MARCHF7: variants seen among roughly 807,000 people sequenced by gnomAD.
The protein encoded by MARCHF7 is E3 ubiquitin-protein ligase MARCHF7.
Under a neutral mutation model 76.5 loss-of-function variants are expected in MARCHF7, and 20 were observed. That is an observed-to-expected ratio of 0.26 (90% CI 0.18 to 0.38). The LOEUF (loss-of-function observed/expected upper bound fraction) is 0.38. MARCHF7 is among the 10% of genes least tolerant of loss of function. The pLI, the probability that MARCHF7 is intolerant of heterozygous loss-of-function variation, is 1.00. For missense variants in MARCHF7, 797 were observed against 812.9 expected (o/e 0.98, Z 0.24); for synonymous variants, 295 against 293.0 (o/e 1.01, Z -0.07).
chr2:159,716,925 A>G (rs1186595606), intron 3 of MARCHF7, among the ~76,000 whole-genome samples: 1 of 152,214 alleles, frequency 6.6e-6, no homozygotes, highest in African/African-American at 2.4e-5. Context: ...GATTAAAACA[A>G]CTGTTCACTG....
chr2:159,758,238 A>C (rs1212420435), intron 8 of MARCHF7, among the ~76,000 whole-genome samples: 1 of 152,246 alleles, frequency 6.6e-6, no homozygotes, highest in African/African-American at 2.4e-5. Flanking sequence ...TTAATTACAC[A>C]AGACTACTAC....
Position 159,748,729 on chromosome 2 carries a change from C to G in MARCHF7, c.1439C>G (p.Pro480Arg), listed in dbSNP as rs1705206091. 1 of 1,614,048 alleles carries G rather than the reference C, an allele frequency of 6.2e-7. No homozygotes were observed. The highest frequency in any genetic ancestry group is 8.5e-7 in the Non-Finnish European group (1 of 1,180,038). Residue 480 changes from proline to arginine, a missense_variant, in exon 7 of 12, where the codon CCT (proline) becomes CGT (arginine). Coordinates refer to ENST00000409175, the MANE Select transcript of MARCHF7 (RefSeq NM_001282805.2). ...GRNTGISGIL[P>R]GSLFRFAVPP... ...AATACAGGAATATCAGGGATTCTTC[C>G]TGGTTCCTTATTCCGGTTTGCAGTC... is the stretch of plus-strand genomic sequence containing the variant.
intron 7 of MARCHF7, among the ~76,000 whole-genome samples, chr2:159,749,362 TTGTTG>T: frequency 6.6e-6 from 1 of 151,954 alleles, no homozygotes; most frequent in Non-Finnish European, 1.5e-5. Context: ...GTTGTTGTTG[TTGTTG>T]TTGAGATGGA....
chr2:159,767,330 T>G lies in MARCHF7; in HGVS notation c.2103T>G (p.Phe701Leu), dbSNP rs772529115. 3 of 1,610,598 alleles carry G rather than the reference T, an allele frequency of 1.9e-6. No individual in the cohort carries two copies. Among genetic ancestry groups the G allele is most frequent in the Non-Finnish European group, 2.5e-6 (3 of 1,177,284 alleles). ...AAGACGGAGACCATAACAGGACATT[T>G]GATATTGCCTAACTTCATATAAGAC... ...SEEDGDHNRT[F>L]DIA The change falls in exon 12 of 12, where the codon TTT (phenylalanine) becomes TTG (leucine). Residue 701 changes from phenylalanine to leucine, a missense_variant. By Grantham distance (22) the Phe-to-Leu change is conservative. This residue lies in a region of MARCHF7 where 124 missense variants were observed against 121.3 expected (regional missense o/e 1.02). Transcript: ENST00000409175.
At chr2:159,728,074 G>A (rs1263184142) in intron 3 of MARCHF7, among the ~76,000 whole-genome samples, 3 of 152,040 alleles carry the variant, frequency 2.0e-5, no homozygotes, top group Non-Finnish European at 1.5e-5. Flanking sequence ...CTTTCCAATA[G>A]TACCATAAAC....
At chr2:159,732,939 C>T in intron 4 of MARCHF7, 1 of 984,830 alleles carries the variant, frequency 1.0e-6, no homozygotes, top group Non-Finnish European at 1.2e-6. Flanking sequence ...GATTGTTCAT[C>T]TTAATTGTTA....
chr2:159,759,576 A>G (rs1371945955), intron 9 of MARCHF7, among the ~76,000 whole-genome samples: 3 of 151,796 alleles, frequency 2.0e-5, no homozygotes, highest in African/African-American at 7.3e-5. Flanking sequence ...TTATTTCCCC[A>G]TAGCTGTAAG....
intron 3 of MARCHF7, among the ~76,000 whole-genome samples, chr2:159,727,858 G>A (rs1574243848): frequency 6.6e-6 from 1 of 152,172 alleles, no homozygotes; most frequent in East Asian, 1.9e-4. Flanking sequence ...TTAATAATCA[G>A]GCATAGGTAA....
At chr2:159,760,709 TTTTTTGTTTTTG>T (rs889002313) in intron 9 of MARCHF7, among the ~76,000 whole-genome samples, 1 of 49,414 alleles carries the variant, frequency 2.0e-5, no homozygotes, top group Admixed American at 1.5e-4. Context: ...AGTTTTTTCC[TTTTTTGTTTTTG>T]TTTTTGTTTT....
intron 3 of MARCHF7, among the ~76,000 whole-genome samples, chr2:159,719,118 G>A (rs1227768452): frequency 6.6e-6 from 1 of 152,162 alleles, no homozygotes; most frequent in Non-Finnish European, 1.5e-5. Context: ...GGGATTACAG[G>A]TGTGCACCAC....
intron 3 of MARCHF7, among the ~76,000 whole-genome samples, chr2:159,717,678 T>C (rs567844365): frequency 2.6e-5 from 4 of 152,332 alleles, no homozygotes; most frequent in East Asian, 3.9e-4. Flanking sequence ...ACTTCTGTAA[T>C]ACAAGTTATT....
At chr2:159,724,483 ACT>A (rs1468118166) in intron 3 of MARCHF7, among the ~76,000 whole-genome samples, 1 of 152,154 alleles carries the variant, frequency 6.6e-6, no homozygotes, top group Admixed American at 6.5e-5. Context: ...TCAAATTATA[ACT>A]CTCTAGATAA....
chr2:159,717,962 G>A (rs141162570), intron 3 of MARCHF7, among the ~76,000 whole-genome samples: 1 of 152,272 alleles, frequency 6.6e-6, no homozygotes, highest in African/African-American at 2.4e-5. Context: ...ATGTGTTAAA[G>A]ACAAATTTCA....
intron 8 of MARCHF7, among the ~76,000 whole-genome samples, chr2:159,755,147 A>G (rs1235049738): frequency 6.6e-6 from 1 of 152,208 alleles, no homozygotes; most frequent in Non-Finnish European, 1.5e-5. Context: ...CAGGAAGTGT[A>G]TAGTGAGAAA....
chr2:159,764,489 G>A, intron 10 of MARCHF7, 137 bp from the exon 11 acceptor site: 1 of 467,126 alleles, frequency 2.1e-6, no homozygotes, highest in Non-Finnish European at 3.7e-6. Flanking sequence ...TTTGATGTTA[G>A]GGGGAGAAAA....
In MARCHF7 at chr2:159,748,493, G is replaced by A. The variant is rs1391722097; in HGVS notation, c.1203G>A (p.Arg401=). Residue 401 remains arginine (R), a synonymous_variant, in exon 7 of 12, where the codon AGG becomes AGA. Coordinates refer to ENST00000409175, the MANE Select transcript of MARCHF7 (RefSeq NM_001282805.2). The stretch of plus-strand genomic sequence containing the variant: ...GATGCACACCTTTGTTCTCTAGAAG[G>A]AGGCGAGAGGGAAGAGATGAATCTT... ...RNRCTPLFSR[R]RREGRDESSR... 1 of 1,613,968 alleles carries A rather than the reference G, an allele frequency of 6.2e-7. No homozygotes were observed. Among genetic ancestry groups the A allele is most frequent in the East Asian group, 2.2e-5 (1 of 44,900 alleles).
intron 4 of MARCHF7, among the ~76,000 whole-genome samples, chr2:159,736,591 C>T (rs1028118310): frequency 1.3e-5 from 2 of 151,892 alleles, no homozygotes; most frequent in African/African-American, 4.8e-5. Flanking sequence ...GTTTTAAGGG[C>T]ATTTGTGTTG....
At chr2:159,728,521 T>C (rs542362660) in intron 3 of MARCHF7, among the ~76,000 whole-genome samples, 15 of 152,278 alleles carry the variant, frequency 9.9e-5, no homozygotes, top group African/African-American at 3.4e-4. Context: ...TAGAAACATA[T>C]ACAGAGAAGA....
chr2:159,721,507 T>C (rs1260785039), intron 3 of MARCHF7, among the ~76,000 whole-genome samples: 1 of 152,226 alleles, frequency 6.6e-6, no homozygotes, highest in African/African-American at 2.4e-5. Context: ...AACTAGCAGC[T>C]GCATTATCAG....
Sources: gnomAD v4.1 joint callset for allele counts (sites outside exome capture counted in the v4.1 genomes callset) on GRCh38, gnomAD v4.1.1 for gene constraint, gnomAD v4.1.1 regional missense constraint, MANE v1.5 for transcripts, NCBI Gene and HGNC (gene_info 2026-07-23, HGNC 2026-07-21) for gene names.